The following VPS13A variants were observed in gnomAD, a reference collection of about 807,000 sequenced individuals.
The protein encoded by VPS13A is vacuolar protein sorting 13 homolog A, also known as intermembrane lipid transfer protein VPS13A.
Under a neutral mutation model 390.9 loss-of-function variants are expected in VPS13A, and 264 were observed. The observed-to-expected ratio is 0.68, with a 90% CI of 0.61 to 0.75. The LOEUF (loss-of-function observed/expected upper bound fraction) is 0.75. Among genes scored for constraint, VPS13A ranks in the 30% least tolerant of loss-of-function variants. The probability of loss-of-function intolerance (pLI) is 0.00; values close to 1 mark genes in which losing one functional copy is unlikely to be tolerated. For missense variants in VPS13A, 3,409 were observed against 3,733.9 expected, an observed-to-expected ratio of 0.91 and a Z score of 2.27; for synonymous variants, 1,231 against 1,227.1, an observed-to-expected ratio of 1.00 and a Z score of -0.07.
chr9:77,200,263 G>A lies in VPS13A; in HGVS notation c.144+275G>A, dbSNP rs554435651. On this transcript the variant is annotated intron_variant, in intron 2 of 71. Coordinates refer to ENST00000360280, the MANE Select transcript of VPS13A (RefSeq NM_033305.3). The stretch of plus-strand genomic sequence containing the variant: ...GCACTTTGGGAGGTCAAGGCAGGTG[G>A]ATTATTTGAGGTCAGTAGTTCGAGA... Among the ~76,000 whole-genome samples the A allele has an allele frequency of 1.4e-3, 209 of 152,238 alleles. 1 individual carries two copies. The highest frequency in any genetic ancestry group is 4.8e-3 in the African/African-American group (201 of 41,538).
intron 34 of VPS13A, among the ~76,000 whole-genome samples, chr9:77,306,503 G>A (rs1037955946): frequency 2.6e-5 from 4 of 150,978 alleles, no homozygotes; most frequent in Admixed American, 6.6e-5. Flanking sequence ...ACATGATTGC[G>A]GATGCCACCA....
intron 46 of VPS13A, among the ~76,000 whole-genome samples, chr9:77,335,518 A>T (rs1238313442): frequency 7.2e-5 from 11 of 152,212 alleles, no homozygotes; most frequent in Admixed American, 7.2e-4. Flanking sequence ...CAAGAAAAAA[A>T]CAACCCATCA....
At chr9:77,237,818 G>C (rs1305678308) in intron 17 of VPS13A, among the ~76,000 whole-genome samples, 184 bp from the exon 18 acceptor site, 2 of 152,044 alleles carry the variant, frequency 1.3e-5, no homozygotes, top group Non-Finnish European at 2.9e-5. Context: ...ACACAAATAG[G>C]ATTCTTTGTG....
intron 1 of VPS13A, among the ~76,000 whole-genome samples, chr9:77,187,604 AACAT>A (rs767772008): frequency 2.4e-5 from 3 of 125,004 alleles, no homozygotes; most frequent in Admixed American, 8.6e-5. Context: ...TTTACATACA[AACAT>A]ACACACACAC....
At chr9:77,179,919 G>T (rs1823906837) in intron 1 of VPS13A, among the ~76,000 whole-genome samples, 1 of 152,008 alleles carries the variant, frequency 6.6e-6, no homozygotes, top group African/African-American at 2.4e-5. Context: ...TGTCTTTATG[G>T]ATTTGGTAAT....
intron 7 of VPS13A, among the ~76,000 whole-genome samples, chr9:77,211,780 C>T (rs1825987018): frequency 6.6e-6 from 1 of 152,164 alleles, no homozygotes; most frequent in South Asian, 2.1e-4. Context: ...CAGCCTAGAC[C>T]TGTTCAGTTA....
chr9:77,239,204 G>A (rs777243737), intron 19 of VPS13A, among the ~76,000 whole-genome samples: 3 of 151,658 alleles, frequency 2.0e-5, no homozygotes, highest in Admixed American at 6.6e-5. Flanking sequence ...TTGGCTGGGC[G>A]CGGTGGCTCA....
intron 5 of VPS13A, among the ~76,000 whole-genome samples, chr9:77,207,248 TATA>T (rs1564630502): frequency 8.9e-6 from 1 of 112,330 alleles, no homozygotes; most frequent in African/African-American, 3.7e-5. Context: ...TATATATATA[TATA>T]TAAAACGTGT....
intron 1 of VPS13A, among the ~76,000 whole-genome samples, chr9:77,183,919 C>T (rs576043016): frequency 2.0e-5 from 3 of 152,326 alleles, no homozygotes; most frequent in Non-Finnish European, 2.9e-5. Flanking sequence ...TGTTTTGTCA[C>T]ATACCTGTCC....
intron 10 of VPS13A, among the ~76,000 whole-genome samples, chr9:77,217,943 C>T (rs1194341441): frequency 6.6e-6 from 1 of 151,938 alleles, no homozygotes; most frequent in Non-Finnish European, 1.5e-5. Flanking sequence ...ACAGTAATCC[C>T]TTTTCTCCAC....
chr9:77,318,461 C>T lies in VPS13A; in HGVS notation c.5183C>T (p.Ser1728Phe). 2 of 1,613,750 alleles carry T rather than the reference C, an allele frequency of 1.2e-6. No homozygotes were observed. The highest frequency in any genetic ancestry group is 1.7e-6 in the Non-Finnish European group (2 of 1,179,794). Residue 1728 changes from serine to phenylalanine, a missense_variant, in exon 41 of 72, where the codon TCT (serine) becomes TTT (phenylalanine). Physicochemically the swap from Ser to Phe is radical, Grantham distance 155 (BLOSUM62 -2). This residue lies in a region of VPS13A where 2,717 missense variants were observed against 2,917.4 expected (regional missense o/e 0.93). Transcript: ENST00000360280. ...GAGATGATAAAAATGAACATTGATT[C>T]TATTTTTATAGTTCTTGAGGCTGGA... ...KGEMIKMNID[S>F]IFIVLEAGIG...
rs746140393 is a variant in VPS13A at position 77,340,442 on chromosome 9, T to C, written c.6918T>C (p.Thr2306=). 3.7e-5 allele frequency: 59 copies of C among 1,613,448 alleles called. No individual in the cohort carries two copies. The highest frequency in any genetic ancestry group is 4.8e-5 in the Non-Finnish European group (57 of 1,179,684). Residue 2306 remains threonine, a synonymous_variant, in exon 50 of 72, where the codon ACT becomes ACC. Transcript: ENST00000360280. ...VTIDLSSFNI[T]RIVTFTPFYM... is the part of the protein sequence containing the mutation. ...TAGACCTGAGCAGTTTTAACATTAC[T>C]AGAATTGTGACATTTACCCCTTTTT...
chr9:77,402,722 C>T (rs1834442192), intron 68 of VPS13A, among the ~76,000 whole-genome samples: 1 of 152,078 alleles, frequency 6.6e-6, no homozygotes, highest in Non-Finnish European at 1.5e-5. Context: ...CTAAGTAAGC[C>T]TTGGGGTCCC....
chr9:77,400,898 T>A (rs771225653), intron 68 of VPS13A, among the ~76,000 whole-genome samples: 11 of 151,900 alleles, frequency 7.2e-5, no homozygotes, highest in Non-Finnish European at 1.2e-4. Flanking sequence ...TATACTTAAA[T>A]CATTGATCCA....
chr9:77,412,401 C>A (rs1834979826), intron 71 of VPS13A, among the ~76,000 whole-genome samples: 1 of 152,212 alleles, frequency 6.6e-6, no homozygotes, highest in Non-Finnish European at 1.5e-5. Context: ...CTACCATGAT[C>A]AAGTGGGCTT....
chr9:77,337,532 A>G lies in VPS13A; in HGVS notation c.6373A>G (p.Ile2125Val), dbSNP rs750865204. ...NLLPYKIAYY[I>V]EGIENSVFTL... is the part of the protein sequence containing the mutation. ...TCTTCCTTACAAAATTGCTTATTAT[A>G]TAGAGGTATCGGCAAACTGATTTAG... is the stretch of plus-strand genomic sequence containing the variant. The change falls in exon 47 of 72, where the codon ATA becomes GTA. Residue 2125 changes from isoleucine (I) to valine (V), a missense_variant. Ile to Val is a conservative substitution (Grantham distance 29). Around this residue, in one of 5 missense-constraint regions of VPS13A, gnomAD observed 2,717 missense variants for 2,917.4 expected, o/e 0.93. Coordinates refer to ENST00000360280, the MANE Select transcript of VPS13A (RefSeq NM_033305.3). 5.0e-6 allele frequency: 8 copies of G among 1,611,752 alleles called. No individual in the cohort carries two copies. Among genetic ancestry groups the G allele is most frequent in the East Asian group, 2.2e-5 (1 of 44,754 alleles).
chr9:77,226,929 T>C (rs1823549572), intron 15 of VPS13A, among the ~76,000 whole-genome samples: 1 of 152,152 alleles, frequency 6.6e-6, no homozygotes, highest in Admixed American at 6.5e-5. Flanking sequence ...TTTTGATTTT[T>C]AACTAACAGC....
chr9:77,380,553 G>A (rs1175131066), intron 67 of VPS13A, among the ~76,000 whole-genome samples: 1 of 151,880 alleles, frequency 6.6e-6, no homozygotes, highest in Admixed American at 6.6e-5. Flanking sequence ...CTCATGATCC[G>A]CCCGCCTCGG....
intron 45 of VPS13A, among the ~76,000 whole-genome samples, chr9:77,324,156 A>G (rs1228125583): frequency 4.6e-5 from 7 of 152,192 alleles, no homozygotes; most frequent in Non-Finnish European, 1.0e-4. Context: ...ATTAACCTCT[A>G]CTTGCAGATT....
Sources: allele counts gnomAD v4.1 joint callset (sites outside exome capture counted in the v4.1 genomes callset), GRCh38; gene constraint gnomAD v4.1.1; regional missense constraint gnomAD v4.1.1; transcripts MANE v1.5; gene names NCBI Gene and HGNC (gene_info 2026-07-23, HGNC 2026-07-21).